Variants in NDST4 observed in about 807,000 individuals in gnomAD.
NDST4 encodes N-heparan sulfate sulfotransferase 4.
Under a neutral mutation model 100.8 loss-of-function variants are expected in NDST4, and 63 were observed. The ratio of observed to expected loss-of-function variants is 0.62; its 90% CI spans 0.51 to 0.77. The LOEUF is 0.77. NDST4 is among the 30% of genes least tolerant of loss of function. The pLI is 0.00. For missense variants in NDST4, 943 were observed against 1,018.4 expected, an observed-to-expected ratio of 0.93 and a Z score of 1.01; for synonymous variants, 377 against 361.8, an observed-to-expected ratio of 1.04 and a Z score of -0.48.
intron 2 of NDST4, among the ~76,000 whole-genome samples, chr4:114,998,435 A>C (rs531675458): frequency 6.6e-6 from 1 of 152,106 alleles, no homozygotes; most frequent in Non-Finnish European, 1.5e-5. Flanking sequence ...CATGGCTCAC[A>C]CTGTGCAACC....
chr4:114,854,407 T>G (rs1349028991), intron 7 of NDST4, among the ~76,000 whole-genome samples: 1 of 152,232 alleles, frequency 6.6e-6, no homozygotes, highest in Non-Finnish European at 1.5e-5. Context: ...TTCCAAATCT[T>G]GGCTATTGTG....
intron 2 of NDST4, among the ~76,000 whole-genome samples, chr4:114,992,758 A>G (rs1389449051): frequency 6.6e-6 from 1 of 151,844 alleles, no homozygotes; most frequent in Admixed American, 6.6e-5. Context: ...TATTTCACAG[A>G]TAAGTTTTAC....
intron 2 of NDST4, among the ~76,000 whole-genome samples, chr4:115,066,442 A>G (rs1160747917): frequency 6.6e-6 from 1 of 152,170 alleles, no homozygotes; most frequent in Non-Finnish European, 1.5e-5. Flanking sequence ...GATATTTTCA[A>G]TAAAAGAAAA....
intron 4 of NDST4, 26 bp from the exon 5 acceptor site, chr4:114,937,529 T>G: frequency 6.6e-7 from 1 of 1,520,268 alleles, no homozygotes; most frequent in East Asian, 2.3e-5. Flanking sequence ...AACAACATCA[T>G]GATGGGACAA....
At chr4:114,938,153 C>T (rs1725673742) in intron 4 of NDST4, among the ~76,000 whole-genome samples, 2 of 151,978 alleles carry the variant, frequency 1.3e-5, no homozygotes, top group South Asian at 2.1e-4. Context: ...ATTAGGTGAA[C>T]ATAGGTAACT....
intron 7 of NDST4, among the ~76,000 whole-genome samples, chr4:114,861,758 T>C (rs539589477): frequency 6.6e-6 from 1 of 152,118 alleles, no homozygotes; most frequent in South Asian, 2.1e-4. Context: ...CACATTTCTG[T>C]GTATACTTGC....
intron 2 of NDST4, among the ~76,000 whole-genome samples, chr4:115,064,374 C>T (rs1202726913): frequency 1.3e-5 from 2 of 151,942 alleles, no homozygotes; most frequent in Non-Finnish European, 2.9e-5. Flanking sequence ...GATTTAATTT[C>T]CTTGTTGTCT....
chr4:115,106,393 G>T (rs576686168), intron 1 of NDST4, among the ~76,000 whole-genome samples: 7 of 152,002 alleles, frequency 4.6e-5, no homozygotes, highest in Non-Finnish European at 1.0e-4. Context: ...TTTTAAAAAA[G>T]AAACAGTCAT....
At chr4:115,009,960 G>T (rs1479699214) in intron 2 of NDST4, among the ~76,000 whole-genome samples, 1 of 101,986 alleles carries the variant, frequency 9.8e-6, no homozygotes, top group African/African-American at 3.9e-5. Context: ...GGCCATCAGA[G>T]AAATGCAAAT....
At chr4:114,895,867 G>A (rs1724702311) in intron 6 of NDST4, among the ~76,000 whole-genome samples, 1 of 151,814 alleles carries the variant, frequency 6.6e-6, no homozygotes, top group Non-Finnish European at 1.5e-5. Flanking sequence ...TTCATCCCTG[G>A]GATGCAAGCC....
intron 2 of NDST4, among the ~76,000 whole-genome samples, chr4:115,044,150 A>T (rs1224755359): frequency 1.3e-5 from 2 of 152,190 alleles, no homozygotes; most frequent in Non-Finnish European, 2.9e-5. Context: ...GCTTTAATTT[A>T]AGAATCAAAT....
At chr4:114,890,562 A>T (rs1724572018) in intron 6 of NDST4, among the ~76,000 whole-genome samples, 1 of 152,102 alleles carries the variant, frequency 6.6e-6, no homozygotes, top group South Asian at 2.1e-4. Flanking sequence ...CACAGAAGTA[A>T]CAGTTGTTAT....
intron 2 of NDST4, among the ~76,000 whole-genome samples, chr4:115,057,700 A>ACG (rs200144903): frequency 5.3e-5 from 6 of 113,324 alleles, no homozygotes; most frequent in African/African-American, 7.7e-5. Context: ...ATGCGTGCGC[A>ACG]CGCACACACA....
At chr4:115,066,794 A>G (rs1560587159) in intron 2 of NDST4, among the ~76,000 whole-genome samples, 1 of 152,176 alleles carries the variant, frequency 6.6e-6, no homozygotes, top group African/African-American at 2.4e-5. Context: ...GAGTTCTATA[A>G]CAGGGTATCA....
At chr4:114,854,067 G>A (rs1004194813) in intron 7 of NDST4, among the ~76,000 whole-genome samples, 6 of 151,806 alleles carry the variant, frequency 4.0e-5, no homozygotes, top group East Asian at 1.9e-4. Flanking sequence ...TTATTCATTC[G>A]ATCTAACTAT....
chr4:115,017,003 G>C (rs918093041), intron 2 of NDST4, among the ~76,000 whole-genome samples: 1 of 151,852 alleles, frequency 6.6e-6, no homozygotes, highest in Admixed American at 6.6e-5. Flanking sequence ...GTATGTGTGT[G>C]TGTGTGTGTG....
intron 6 of NDST4, among the ~76,000 whole-genome samples, chr4:114,873,838 G>T (rs1196833205): frequency 6.6e-6 from 1 of 152,102 alleles, no homozygotes; most frequent in Non-Finnish European, 1.5e-5. Context: ...AAACCAGGCT[G>T]CAGGCTAAAT....
At chr4:114,953,299 A>G (rs187814071) in intron 4 of NDST4, among the ~76,000 whole-genome samples, 2 of 152,286 alleles carry the variant, frequency 1.3e-5, no homozygotes, top group Admixed American at 1.3e-4. Flanking sequence ...ATATAATTTT[A>G]GAAGTATCAG....
chr4:115,058,199 A>C (rs1728743982), intron 2 of NDST4, among the ~76,000 whole-genome samples: 1 of 152,200 alleles, frequency 6.6e-6, no homozygotes, highest in South Asian at 2.1e-4. Context: ...TTACCTTTTC[A>C]TAGCTATCCA....
Sources: allele counts gnomAD v4.1 joint callset (sites outside exome capture counted in the v4.1 genomes callset), GRCh38; gene constraint gnomAD v4.1.1; transcripts MANE v1.5; gene names NCBI Gene and HGNC (gene_info 2026-07-23, HGNC 2026-07-21).